EYS: variants seen among roughly 807,000 people sequenced by gnomAD.
The protein encoded by EYS is EGF-like photoreceptor maintenance factor.
Under a neutral mutation model 282.1 loss-of-function variants are expected in EYS, and 250 were observed. The observed-to-expected ratio is 0.89, with a 90% CI of 0.80 to 0.98. The LOEUF is 0.98. Ranked by LOEUF, EYS falls within the 50% of genes least tolerant of loss-of-function variation. The pLI, the probability that EYS is intolerant of heterozygous loss-of-function variation, is 0.00. For synonymous variants in EYS, 1,355 were observed against 1,282.9 expected (o/e 1.06, Z -1.20); for missense variants, 4,016 against 3,709.0 (o/e 1.08, Z -2.15).
At chr6:64,545,131 G>A (rs1001606581) in intron 26 of EYS, among the ~76,000 whole-genome samples, 6 of 152,088 alleles carry the variant, frequency 3.9e-5, no homozygotes, top group African/African-American at 1.4e-4. Flanking sequence ...ATAAAATACT[G>A]GTAAACCAAA....
chr6:63,982,240 C>T (rs1273471398), intron 35 of EYS, among the ~76,000 whole-genome samples: 1 of 151,706 alleles, frequency 6.6e-6, no homozygotes, highest in Non-Finnish European at 1.5e-5. Flanking sequence ...AATATTAACA[C>T]CAACTTAGCA....
intron 26 of EYS, among the ~76,000 whole-genome samples, chr6:64,586,120 G>A (rs1202598383): frequency 6.6e-6 from 1 of 152,074 alleles, no homozygotes; most frequent in African/African-American, 2.4e-5. Flanking sequence ...GTCGTTAGGA[G>A]GTGTTTAGAC....
In EYS at chr6:64,822,699, C is replaced by T; in HGVS notation, c.3116G>A (p.Cys1039Tyr). 4 of 1,548,242 alleles carry T rather than the reference C, an allele frequency of 2.6e-6. No homozygotes were observed. The highest frequency in any genetic ancestry group is 3.5e-6 in the Non-Finnish European group (4 of 1,145,556). ...DCKSGFFGTH[C>Y]ETNANDCLSN... ...AAGGCAATCATTGGCGTTTGTTTCACAGTGTGTTCCAAAAAACCCACTCTT... is the reference window on the plus strand; with the variant it reads ...AAGGCAATCATTGGCGTTTGTTTCATAGTGTGTTCCAAAAAACCCACTCTT... The change falls in exon 20 of 43, where the codon TGT becomes TAT. Residue 1039 changes from cysteine to tyrosine, a missense_variant. Transcript: ENST00000503581.
At chr6:64,966,529 G>T (rs950097638) in intron 14 of EYS, among the ~76,000 whole-genome samples, 1 of 152,134 alleles carries the variant, frequency 6.6e-6, no homozygotes, top group African/African-American at 2.4e-5. Flanking sequence ...AGGTTAGGTG[G>T]TCACTCTGGG....
chr6:64,371,120 G>A (rs1347449077), intron 29 of EYS, among the ~76,000 whole-genome samples: 1 of 151,924 alleles, frequency 6.6e-6, no homozygotes, highest in Non-Finnish European at 1.5e-5. Context: ...TTGTTTATTT[G>A]AGATCTTCCT....
intron 5 of EYS, among the ~76,000 whole-genome samples, chr6:65,460,005 T>C (rs1211731190): frequency 2.6e-5 from 3 of 113,276 alleles, no homozygotes; most frequent in East Asian, 4.8e-4. Flanking sequence ...TATATATATA[T>C]ATAATTTTAT....
intron 26 of EYS, among the ~76,000 whole-genome samples, chr6:64,569,219 C>G (rs1765646791): frequency 6.6e-6 from 1 of 151,564 alleles, no homozygotes; most frequent in South Asian, 2.1e-4. Context: ...ATATTCTAAC[C>G]CAATGAAAGG....
At chr6:64,078,381 C>T (rs977308410) in intron 32 of EYS, among the ~76,000 whole-genome samples, 2 of 151,970 alleles carry the variant, frequency 1.3e-5, no homozygotes, top group African/African-American at 4.8e-5. Context: ...CAATTATCCC[C>T]TAAGTTAAGG....
At chr6:65,326,281 T>G (rs999968908) in intron 11 of EYS, among the ~76,000 whole-genome samples, 12 of 151,936 alleles carry the variant, frequency 7.9e-5, no homozygotes, top group Non-Finnish European at 1.6e-4. Context: ...ACTCTCATTG[T>G]CTTTTAGAAA....
chr6:63,721,062 T>C lies in EYS; in HGVS notation c.8969A>G (p.Lys2990Arg). The change falls in exon 43 of 43, where the codon AAA becomes AGA. Residue 2990 changes from lysine to arginine, a missense_variant. Transcript: ENST00000503581. ...TTISLNFSTT[K>R]TEGLIVWMGI... ...CATCCATACAATTAGACCTTCTGTT[T>C]TAGTGGTACTGAAATTTAAGGATAT... 1 of 1,551,404 alleles carries C rather than the reference T, an allele frequency of 6.4e-7. No individual in the cohort carries two copies. Among genetic ancestry groups the C allele is most frequent in the Non-Finnish European group, 8.7e-7 (1 of 1,146,804 alleles).
Position 64,241,656 on chromosome 6 carries a change from T to TG in EYS, c.6192-10833_6192-10832insC, listed in dbSNP as rs541108326. Among the ~76,000 whole-genome samples, 1,107 of 149,430 alleles carry TG rather than the reference T, an allele frequency of 7.4e-3. 9 individuals are homozygous for TG. Among genetic ancestry groups the TG allele is most frequent in the African/African-American group, 0.023 (913 of 39,576 alleles). ...TGGATTCATTGATTTTTTGAAGGTT[T>TG]TTGTGTGTGTGTGTGTGTGTGTGTG... On this transcript the variant is annotated intron_variant, in intron 30 of 42. Transcript: ENST00000503581.
At chr6:65,088,437 A>G (rs1056649112) in intron 12 of EYS, among the ~76,000 whole-genome samples, 4 of 152,186 alleles carry the variant, frequency 2.6e-5, no homozygotes, top group South Asian at 2.1e-4. Flanking sequence ...CTTGCTGGAA[A>G]ATAGATCAAA....
At chr6:65,526,861 C>G (rs944901795) in intron 2 of EYS, among the ~76,000 whole-genome samples, 1 of 152,130 alleles carries the variant, frequency 6.6e-6, no homozygotes, top group Middle Eastern at 3.4e-3. Flanking sequence ...ATCGAAATAA[C>G]GAGAGGGCAC....
chr6:64,042,206 A>C (rs1314192859), intron 33 of EYS, among the ~76,000 whole-genome samples: 1 of 152,226 alleles, frequency 6.6e-6, no homozygotes, highest in Non-Finnish European at 1.5e-5. Flanking sequence ...CATTTGTAGA[A>C]TTAATTTGGA....
intron 41 of EYS, among the ~76,000 whole-genome samples, chr6:63,735,517 C>G (rs991892944): frequency 1.4e-5 from 2 of 147,372 alleles, no homozygotes; most frequent in Non-Finnish European, 3.0e-5. Context: ...ACACACACAC[C>G]CTACTTATTA....
At chr6:64,197,767 T>C (rs1459681029) in intron 31 of EYS, among the ~76,000 whole-genome samples, 2 of 132,770 alleles carry the variant, frequency 1.5e-5, no homozygotes, top group Admixed American at 7.5e-5. Context: ...TTGTTTAGGA[T>C]TGATTTTTTT....
At chr6:65,370,463 C>T (rs1031622202) in intron 8 of EYS, among the ~76,000 whole-genome samples, 3 of 151,348 alleles carry the variant, frequency 2.0e-5, no homozygotes, top group African/African-American at 7.3e-5. Context: ...TGATGTATTC[C>T]AGGCTGGTCT....
At chr6:65,054,451 A>G (rs1773357583) in intron 13 of EYS, among the ~76,000 whole-genome samples, 1 of 152,018 alleles carries the variant, frequency 6.6e-6, no homozygotes, top group East Asian at 1.9e-4. Context: ...GATAAAAACT[A>G]CTATTGATTT....
At chr6:65,662,659 C>T (rs1304552144) in intron 1 of EYS, among the ~76,000 whole-genome samples, 1 of 152,018 alleles carries the variant, frequency 6.6e-6, no homozygotes, top group Non-Finnish European at 1.5e-5. Context: ...ATGTGGAAAC[C>T]CCGTATTGAA....
Sources: gnomAD v4.1 joint callset for allele counts (sites outside exome capture counted in the v4.1 genomes callset) on GRCh38, gnomAD v4.1.1 for gene constraint, MANE v1.5 for transcripts, NCBI Gene and HGNC (gene_info 2026-07-23, HGNC 2026-07-21) for gene names.